Variants in ARHGAP15 observed in about 807,000 individuals in gnomAD.
ARHGAP15 encodes the protein Rho GTPase activating protein 15.
Under a neutral mutation model 63.7 loss-of-function variants are expected in ARHGAP15, and 51 were observed. That is an observed-to-expected ratio of 0.80 (90% CI 0.64 to 1.01). The LOEUF is 1.01. Ranked by LOEUF, ARHGAP15 falls within the 50% of genes least tolerant of loss-of-function variation. ARHGAP15 has a pLI of 0.00. For synonymous variants in ARHGAP15, 191 were observed against 193.8 expected, an observed-to-expected ratio of 0.99 and a Z score of 0.12; for missense variants, 560 against 564.6, an observed-to-expected ratio of 0.99 and a Z score of 0.08.
At chr2:143,255,846 C>T (rs1680396380) in intron 6 of ARHGAP15, among the ~76,000 whole-genome samples, 1 of 151,864 alleles carries the variant, frequency 6.6e-6, no homozygotes, top group Admixed American at 6.6e-5. Flanking sequence ...TCTTAAAAGA[C>T]ACGGCATTAA....
chr2:143,530,272 G>A (rs1210054825), intron 10 of ARHGAP15, among the ~76,000 whole-genome samples: 4 of 151,994 alleles, frequency 2.6e-5, no homozygotes, highest in Non-Finnish European at 4.4e-5. Flanking sequence ...TTTCCAGGGG[G>A]CATGATATAT....
chr2:143,697,504 TC>T (rs1683903738), intron 12 of ARHGAP15, among the ~76,000 whole-genome samples: 1 of 152,180 alleles, frequency 6.6e-6, no homozygotes, highest in Non-Finnish European at 1.5e-5. Context: ...TTGCCCAAAA[TC>T]ATACAGCATA....
At chr2:143,368,637 A>C (rs1030255593) in intron 6 of ARHGAP15, among the ~76,000 whole-genome samples, 2 of 152,062 alleles carry the variant, frequency 1.3e-5, no homozygotes, top group Non-Finnish European at 2.9e-5. Context: ...TGAGGACACA[A>C]ACTAAAGCAG....
At chr2:143,351,700 T>C (rs1009568659) in intron 6 of ARHGAP15, among the ~76,000 whole-genome samples, 5 of 152,224 alleles carry the variant, frequency 3.3e-5, no homozygotes, top group African/African-American at 1.2e-4. Context: ...GGAGGATTAA[T>C]GTCAGAAGAT....
intron 6 of ARHGAP15, among the ~76,000 whole-genome samples, chr2:143,393,090 A>G (rs193108583): frequency 6.6e-6 from 1 of 152,276 alleles, no homozygotes; most frequent in East Asian, 1.9e-4. Context: ...CTTTTATTCT[A>G]AAGGTTTCTG....
intron 6 of ARHGAP15, among the ~76,000 whole-genome samples, chr2:143,262,286 A>G (rs1680759230): frequency 6.6e-6 from 1 of 152,160 alleles, no homozygotes; most frequent in South Asian, 2.1e-4. Flanking sequence ...ATCTGTTGCC[A>G]TGTCTTCAAA....
intron 13 of ARHGAP15, among the ~76,000 whole-genome samples, chr2:143,759,874 A>T (rs1574935309): frequency 6.6e-6 from 1 of 152,160 alleles, no homozygotes; most frequent in South Asian, 2.1e-4. Context: ...CCCAATATTC[A>T]ATAAAAGAGA....
At chr2:143,190,245 C>T (rs192790878) in intron 2 of ARHGAP15, among the ~76,000 whole-genome samples, 110 of 152,244 alleles carry the variant, frequency 7.2e-4, no homozygotes, top group Non-Finnish European at 1.2e-3. Flanking sequence ...ATTTAAAATG[C>T]TGATTAAAAT....
At chr2:143,594,703 C>T (rs1037450154) in intron 11 of ARHGAP15, among the ~76,000 whole-genome samples, 1 of 152,114 alleles carries the variant, frequency 6.6e-6, no homozygotes, top group African/African-American at 2.4e-5. Context: ...CATGTCACAG[C>T]AGTTCTTAAT....
chr2:143,402,123 C>T lies in ARHGAP15; in HGVS notation c.475-33478C>T, dbSNP rs553432337. Among the ~76,000 whole-genome samples the T allele has an allele frequency of 2.4e-4, 36 of 151,928 alleles. No individual in the cohort carries two copies. The South Asian group carries it at 3.3e-3, about 14-fold the overall frequency. On this transcript the variant is annotated intron_variant, in intron 6 of 13. Transcript: ENST00000295095. ...AACAATAGCACCAGATTTACTGTCACGATCACAATCTGTGCTGCATCACAG... is the reference window on the plus strand; with the variant it reads ...AACAATAGCACCAGATTTACTGTCATGATCACAATCTGTGCTGCATCACAG...
intron 6 of ARHGAP15, among the ~76,000 whole-genome samples, chr2:143,419,150 GAA>G (rs35621298): frequency 6.6e-6 from 1 of 150,624 alleles, no homozygotes; most frequent in Admixed American, 6.6e-5. Context: ...GAAATTCTAA[GAA>G]AAAAAAACCA....
chr2:143,542,926 A>C (rs1200170325), intron 10 of ARHGAP15, among the ~76,000 whole-genome samples: 1 of 148,316 alleles, frequency 6.7e-6, no homozygotes, highest in East Asian at 1.9e-4. Flanking sequence ...ATATAATATC[A>C]CATTTTATCA....
intron 8 of ARHGAP15, among the ~76,000 whole-genome samples, chr2:143,457,527 G>GT (rs911224347): frequency 2.7e-4 from 41 of 149,220 alleles, no homozygotes; most frequent in African/African-American, 8.6e-4. Flanking sequence ...ACCCTGTGTT[G>GT]TTTTTTTTTA....
In ARHGAP15 at chr2:143,164,603, C is replaced by T. The variant is rs150543178; in HGVS notation, c.165+8948C>T. Among the ~76,000 whole-genome samples, 410 of 151,904 alleles carry T rather than the reference C, an allele frequency of 2.7e-3. 1 individual carries two copies. Among genetic ancestry groups the T allele is most frequent in the African/African-American group, 9.4e-3 (389 of 41,442 alleles). ...CTGAAGTTAAAGATAAATCACATAC[C>T]CAGAGAAAAAGGACAGAATGTTTGG... On this transcript the variant is annotated intron_variant, in intron 2 of 13. Coordinates refer to ENST00000295095, the MANE Select transcript of ARHGAP15 (RefSeq NM_018460.4).
chr2:143,455,787 G>A (rs932351107), intron 8 of ARHGAP15, among the ~76,000 whole-genome samples: 5 of 151,906 alleles, frequency 3.3e-5, no homozygotes, highest in African/African-American at 4.8e-5. Flanking sequence ...ATTAAGTAGC[G>A]CCATGACCAC....
At chr2:143,163,453 A>C (rs1241121096) in intron 2 of ARHGAP15, among the ~76,000 whole-genome samples, 1 of 151,570 alleles carries the variant, frequency 6.6e-6, no homozygotes, top group African/African-American at 2.4e-5. Flanking sequence ...ATATATGGAG[A>C]GATGTATTTG....
At chr2:143,359,592 T>C (rs1025567665) in intron 6 of ARHGAP15, among the ~76,000 whole-genome samples, 2 of 152,124 alleles carry the variant, frequency 1.3e-5, no homozygotes, top group African/African-American at 4.8e-5. Flanking sequence ...TAAAGAAAAA[T>C]GTAGAAGCTT....
intron 6 of ARHGAP15, among the ~76,000 whole-genome samples, chr2:143,366,562 AC>A (rs1686299913): frequency 2.6e-5 from 4 of 152,118 alleles, no homozygotes; most frequent in Admixed American, 2.6e-4. Flanking sequence ...TAAACAAAAT[AC>A]TAAAAATTGT....
chr2:143,192,541 C>G (rs1691722620), intron 2 of ARHGAP15, among the ~76,000 whole-genome samples: 1 of 152,228 alleles, frequency 6.6e-6, no homozygotes, highest in South Asian at 2.1e-4. Flanking sequence ...TTACTTATGT[C>G]TGTCTGCTGT....
Sources: gnomAD v4.1 joint callset for allele counts (sites outside exome capture counted in the v4.1 genomes callset) on GRCh38, gnomAD v4.1.1 for gene constraint, MANE v1.5 for transcripts, NCBI Gene and HGNC (gene_info 2026-07-23, HGNC 2026-07-21) for gene names.